GPR85: variants seen among roughly 807,000 people sequenced by gnomAD.
The protein encoded by GPR85 is probable G protein-coupled receptor 85.
Under a neutral mutation model 21.3 loss-of-function variants are expected in GPR85, and 7 were observed. The ratio of observed to expected loss-of-function variants is 0.33; its 90% CI spans 0.19 to 0.62. GPR85 has a LOEUF of 0.62. GPR85 is among the 20% of genes least tolerant of loss of function. GPR85 has a pLI of 0.80. For synonymous variants in GPR85, 167 were observed against 166.1 expected (o/e 1.01, Z -0.04); for missense variants, 299 against 443.8 (o/e 0.67, Z 2.93).
rs1414402156 is a variant in GPR85 at position 113,086,431 on chromosome 7, T to TTTTTTTTTTTTTTTTTTG, written c.-399_-398insCAAAAAAAAAAAAAAAAA. The TTTTTTTTTTTTTTTTTTG allele has an allele frequency of 1.5e-4, 16 of 108,240 alleles. 1 individual carries two copies. The highest frequency in any genetic ancestry group is 3.4e-4 in the South Asian group (1 of 2,972). 6.7% of individuals were successfully genotyped at this position (108,240 alleles called of 1,614,324 possible). On this transcript the variant is annotated 5_prime_UTR_variant, in exon 1 of 3. Transcript: ENST00000424100. Reference sequence around the variant, plus strand: ...TTTTTTTTTTTGTTTTTTGTTTTTTTTTTTTTTTTTTTTGCCTTAGTGCCT... The same window carrying TTTTTTTTTTTTTTTTTTG: ...TTTTTTTTTTTGTTTTTTGTTTTTTTTTTTTTTTTTTTTTTTTGTTTTTTTTTTTTTGCCTTAGTGCCT...
rs1562996831 is a variant in GPR85 at position 113,086,412 on chromosome 7, T to TTTG, written c.-380_-379insCAA. ...TTTCTTTTTCTTTTTTTTTTTTTTT[T>TTTG]TTTTGTTTTTTGTTTTTTTTTTTTT... On this transcript the variant is annotated 5_prime_UTR_variant, in exon 1 of 3. Transcript: ENST00000424100. 276 of 91,410 alleles carry TTTG rather than the reference T, an allele frequency of 3.0e-3. 16 individuals are homozygous for TTTG. The highest frequency in any genetic ancestry group is 4.4e-3 in the Non-Finnish European group (207 of 47,114). The allele number at this position is 91,410 out of a possible 1,614,324, so 5.7% of individuals were successfully genotyped here.
chr7:113,082,438 G>A lies in GPR85; in HGVS notation c.*1171C>T, dbSNP rs1005092609. 6.6e-6 allele frequency: 1 copy of A among 152,512 alleles called. No individual in the cohort carries two copies. Among genetic ancestry groups the A allele is most frequent in the Non-Finnish European group, 1.5e-5 (1 of 68,010 alleles). 9.4% of individuals were successfully genotyped at this position (152,512 alleles called of 1,614,324 possible). On this transcript the variant is annotated 3_prime_UTR_variant, in exon 3 of 3. Coordinates refer to ENST00000424100, the MANE Select transcript of GPR85 (RefSeq NM_001146267.2). ...AATTTAAATTACCAATACACTGAATGTGCAGAAAGTATAAACAAGACTGTG... is the reference window on the plus strand; with the variant it reads ...AATTTAAATTACCAATACACTGAATATGCAGAAAGTATAAACAAGACTGTG...
In GPR85 at chr7:113,083,459, G is replaced by T. The variant is rs953310319; in HGVS notation, c.*150C>A. The stretch of plus-strand genomic sequence containing the variant: ...TCTGAGATTTAAAATAGGATTATAG[G>T]TGAACTATTGCAAAGACTGCAGAAT... On this transcript the variant is annotated 3_prime_UTR_variant, in exon 3 of 3. Coordinates refer to ENST00000424100, the MANE Select transcript of GPR85 (RefSeq NM_001146267.2). The surrounding 1 kb of genome is among the most constrained non-coding windows in gnomAD (Gnocchi z 4.4). 2.8e-6 allele frequency: 2 copies of T among 715,880 alleles called. No individual in the cohort carries two copies. The highest frequency in any genetic ancestry group is 4.8e-6 in the Non-Finnish European group (2 of 417,994). 44.3% of individuals were successfully genotyped at this position (715,880 alleles called of 1,614,324 possible). A position where few individuals can be genotyped will look rare whatever the true frequency, so the allele number is the denominator to read the frequency against.
At chr7:113,085,291 G>A (rs1441945406) in intron 2 of GPR85, among the ~76,000 whole-genome samples, 1 of 152,198 alleles carries the variant, frequency 6.6e-6, no homozygotes, top group East Asian at 1.9e-4. Flanking sequence ...TTCACAGGCA[G>A]CTTCTCTGTT....
chr7:113,083,319 T>C lies in GPR85; in HGVS notation c.*290A>G, dbSNP rs1255978401. On this transcript the variant is annotated 3_prime_UTR_variant, in exon 3 of 3. Transcript: ENST00000424100. This position sits in a 1 kb window ranked among gnomAD's most constrained non-coding sequence, Gnocchi z 4.4. ...TAGTGACATACAGAGCATTTAGCAC[T>C]GATACTTAGCACCTGCTACTTTCAT... 1 of 355,232 alleles carries C rather than the reference T, an allele frequency of 2.8e-6. No homozygotes were observed. Among genetic ancestry groups the C allele is most frequent in the Non-Finnish European group, 5.1e-6 (1 of 196,374 alleles). The allele number at this position is 355,232 out of a possible 1,614,324, so 22.0% of individuals were successfully genotyped here. A position where few individuals can be genotyped will look rare whatever the true frequency, so the allele number is the denominator to read the frequency against.
chr7:113,083,648 T>G lies in GPR85; in HGVS notation c.1074A>C (p.Arg358Ser), dbSNP rs1332189516. ...RCFSTTLLYC[R>S]KSRLPREPYC... ...AAGGTTCCCTTGGTAACCTGGATTTTCTGCAGTAAAGAAGGGTTGTGCTGA... is the reference window on the plus strand; with the variant it reads ...AAGGTTCCCTTGGTAACCTGGATTTGCTGCAGTAAAGAAGGGTTGTGCTGA... The change falls in exon 3 of 3, where the codon AGA becomes AGC. Residue 358 changes from arginine to serine, a missense_variant. Arg to Ser is a moderately radical substitution (Grantham distance 110). This residue lies in a region of GPR85 where 198 missense variants were observed against 335.4 expected (regional missense o/e 0.59). Coordinates refer to ENST00000424100, the MANE Select transcript of GPR85 (RefSeq NM_001146267.2). The surrounding 1 kb of genome is among the most constrained non-coding windows in gnomAD (Gnocchi z 4.4). 5.0e-6 allele frequency: 8 copies of G among 1,614,128 alleles called. No homozygotes were observed. The highest frequency in any genetic ancestry group is 1.3e-5 in the African/African-American group (1 of 75,050).
upstream of GPR85, among the ~76,000 whole-genome samples, chr7:113,086,892 T>C (rs1321765243): frequency 6.6e-6 from 1 of 151,976 alleles, no homozygotes; most frequent in Admixed American, 6.6e-5. Context: ...CCAGACACTT[T>C]CTTCCCTTTT....
chr7:113,083,560 C>T lies in GPR85; in HGVS notation c.*49G>A. On this transcript the variant is annotated 3_prime_UTR_variant, in exon 3 of 3. Transcript: ENST00000424100. The surrounding 1 kb of genome is among the most constrained non-coding windows in gnomAD (Gnocchi z 4.4). The stretch of plus-strand genomic sequence containing the variant: ...AATATGGCTATGGGCCACAATTGCT[C>T]AGCAGAGAAGGTTAGTTTTCACAAG... 1 of 1,515,884 alleles carries T rather than the reference C, an allele frequency of 6.6e-7. No homozygotes were observed. Among genetic ancestry groups the T allele is most frequent in the Non-Finnish European group, 8.9e-7 (1 of 1,118,826 alleles). The allele number at this position is 1,515,884 out of a possible 1,614,324, so 93.9% of individuals were successfully genotyped here. A position where few individuals can be genotyped will look rare whatever the true frequency, so the allele number is the denominator to read the frequency against.
rs1794288043 is a variant in GPR85 at position 113,086,400 on chromosome 7, T to TTTTTTTTTTTTTTG, written c.-368_-367insCAAAAAAAAAAAAA. On this transcript the variant is annotated 5_prime_UTR_variant, in exon 1 of 3. The change abolishes the stop of an existing upstream ORF in the 5' untranslated region. Coordinates refer to ENST00000424100, the MANE Select transcript of GPR85 (RefSeq NM_001146267.2). ...TTTTTTTCTTTTTTTCTTTTTCTTTTTTTTTTTTTTTTTTTTGTTTTTTGT... is the reference window on the plus strand; with the variant it reads ...TTTTTTTCTTTTTTTCTTTTTCTTTTTTTTTTTTTTTTTGTTTTTTTTTTTTTTTTGTTTTTTGT... The TTTTTTTTTTTTTTG allele has an allele frequency of 2.3e-5, 2 of 85,312 alleles. No individual in the cohort carries two copies. Among genetic ancestry groups the TTTTTTTTTTTTTTG allele is most frequent in the African/African-American group, 5.3e-5 (1 of 18,710 alleles). The allele number at this position is 85,312 out of a possible 1,614,324, so 5.3% of individuals were successfully genotyped here.
rs1301208819 is a variant in GPR85 at position 113,084,622 on chromosome 7, T to C, written c.100A>G (p.Ser34Gly). 6.2e-7 allele frequency: 1 copy of C among 1,613,734 alleles called. No homozygotes were observed. Among genetic ancestry groups the C allele is most frequent in the Non-Finnish European group, 8.5e-7 (1 of 1,179,664 alleles). The change falls in exon 3 of 3, where the codon AGC (serine) becomes GGC (glycine). Residue 34 changes from serine (S) to glycine (G), a missense_variant. Coordinates refer to ENST00000424100, the MANE Select transcript of GPR85 (RefSeq NM_001146267.2). Reference sequence around the variant, plus strand: ...GAGATCAGGAGGTTGCCCACCACGCTGACTCCTATTATGAAACCCAAGGAA... The same window carrying C: ...GAGATCAGGAGGTTGCCCACCACGCCGACTCCTATTATGAAACCCAAGGAA... Reference protein sequence around the residue: ...LTSLGFIIGVSVVGNLLISIL... With the variant: ...LTSLGFIIGVGVVGNLLISIL...
upstream of GPR85, among the ~76,000 whole-genome samples, chr7:113,087,266 T>C (rs117341018): frequency 0.017 from 2,542 of 152,324 alleles, 24 homozygotes; most frequent in Non-Finnish European, 0.025. Context: ...AATGTTTAAA[T>C]GGCTATTCCT....
rs1267638090 is a variant in GPR85, at chr7:113,083,278, G to T, written c.*331C>A. ...AGATGTCCAATGCTAATTGTTTTTTGATGTTTTTTCATATGTAGTGACATA... is the reference window on the plus strand; with the variant it reads ...AGATGTCCAATGCTAATTGTTTTTTTATGTTTTTTCATATGTAGTGACATA... On this transcript the variant is annotated 3_prime_UTR_variant, in exon 3 of 3. Coordinates refer to ENST00000424100, the MANE Select transcript of GPR85 (RefSeq NM_001146267.2). This position sits in a 1 kb window ranked among gnomAD's most constrained non-coding sequence, Gnocchi z 4.4. The T allele has an allele frequency of 3.4e-5, 7 of 206,154 alleles. No individual in the cohort carries two copies. In the Admixed American group the frequency reaches 3.9e-4, roughly 12 times the overall value. The allele number at this position is 206,154 out of a possible 1,614,324, so 12.8% of individuals were successfully genotyped here. A position where few individuals can be genotyped will look rare whatever the true frequency, so the allele number is the denominator to read the frequency against.
Position 113,084,164 on chromosome 7 carries a change from T to C in GPR85, c.558A>G (p.Gly186=). 1.2e-6 allele frequency: 2 copies of C among 1,614,090 alleles called. No homozygotes were observed. Among genetic ancestry groups the C allele is most frequent in the Non-Finnish European group, 1.7e-6 (2 of 1,180,008 alleles). ...HRSFRANDSL[G]FMLLLALILL... ...GGATGAGAGCAAGAAGCAGCATAAA[T>C]CCTAAGGAATCATTAGCCCTGAAGG... The change falls in exon 3 of 3, where the codon GGA becomes GGG. Residue 186 remains glycine (G), a synonymous_variant. Transcript: ENST00000424100.
chr7:113,084,791 T>C lies in GPR85; in HGVS notation c.-70A>G, dbSNP rs1316433234. ...TCTAGATATAAGAACAAGGAAAAGA[T>C]AGATCCATACATTTTACTGAAAATA... On this transcript the variant is annotated 5_prime_UTR_variant, in exon 3 of 3. Transcript: ENST00000424100. 2.7e-6 allele frequency: 3 copies of C among 1,108,110 alleles called. No individual in the cohort carries two copies. The highest frequency in any genetic ancestry group is 3.9e-6 in the Non-Finnish European group (3 of 769,798). 68.6% of individuals were successfully genotyped at this position (1,108,110 alleles called of 1,614,324 possible). A position where few individuals can be genotyped will look rare whatever the true frequency, so the allele number is the denominator to read the frequency against.
Position 113,086,424 on chromosome 7 carries a change from G to GTTTTTTTTTTTTTTTTTTTTTTTT in GPR85, c.-392_-391insAAAAAAAAAAAAAAAAAAAAAAAA, listed in dbSNP as rs1245422095. The GTTTTTTTTTTTTTTTTTTTTTTTT allele has an allele frequency of 1.6e-5, 1 of 63,856 alleles. No homozygotes were observed. The highest frequency in any genetic ancestry group is 2.7e-5 in the Non-Finnish European group (1 of 36,750). The allele number at this position is 63,856 out of a possible 1,614,324, so 4.0% of individuals were successfully genotyped here. ...TTTTTTTTTTTTTTTTTTGTTTTTT[G>GTTTTTTTTTTTTTTTTTTTTTTTT]TTTTTTTTTTTTTTTTTTTTGCCTT... is the stretch of plus-strand genomic sequence containing the variant. On this transcript the variant is annotated 5_prime_UTR_variant, in exon 1 of 3. Coordinates refer to ENST00000424100, the MANE Select transcript of GPR85 (RefSeq NM_001146267.2).
In GPR85 at chr7:113,086,440, T is replaced by TTTTTTTTTTTTTTC. The variant is rs1233131928; in HGVS notation, c.-408_-407insGAAAAAAAAAAAAA. The TTTTTTTTTTTTTTC allele has an allele frequency of 7.7e-6, 1 of 129,480 alleles. No homozygotes were observed. Among genetic ancestry groups the TTTTTTTTTTTTTTC allele is most frequent in the Non-Finnish European group, 1.6e-5 (1 of 60,924 alleles). The allele number at this position is 129,480 out of a possible 1,614,324, so 8.0% of individuals were successfully genotyped here. A position where few individuals can be genotyped will look rare whatever the true frequency, so the allele number is the denominator to read the frequency against. On this transcript the variant is annotated 5_prime_UTR_variant, in exon 1 of 3. The change abolishes the stop of an existing upstream ORF in the 5' untranslated region. Coordinates refer to ENST00000424100, the MANE Select transcript of GPR85 (RefSeq NM_001146267.2). ...TTGTTTTTTGTTTTTTTTTTTTTTT[T>TTTTTTTTTTTTTTC]TTTTGCCTTAGTGCCTTGACTGAGC...
rs1794170826 is a variant in GPR85, at chr7:113,082,762, A to G, written c.*847T>C. 1 of 152,374 alleles carries G rather than the reference A, an allele frequency of 6.6e-6. No individual in the cohort carries two copies. Among genetic ancestry groups the G allele is most frequent in the Non-Finnish European group, 1.5e-5 (1 of 67,992 alleles). The allele number at this position is 152,374 out of a possible 1,614,324, so 9.4% of individuals were successfully genotyped here. A position where few individuals can be genotyped will look rare whatever the true frequency, so the allele number is the denominator to read the frequency against. On this transcript the variant is annotated 3_prime_UTR_variant, in exon 3 of 3. Coordinates refer to ENST00000424100, the MANE Select transcript of GPR85 (RefSeq NM_001146267.2). ...TGGCTATTTGCTCCAGTGCTAAATA[A>G]GATGAAGGATACTAGATAACCCTTT...
intron 2 of GPR85, among the ~76,000 whole-genome samples, chr7:113,085,791 C>A (rs949346644): frequency 6.6e-6 from 1 of 152,156 alleles, no homozygotes. Flanking sequence ...GTTTCTTTTG[C>A]CACTTCTCAC....
rs758087214 is a variant in GPR85, at chr7:113,084,738, A to T, written c.-17T>A. The T allele has an allele frequency of 6.3e-7, 1 of 1,594,942 alleles. No homozygotes were observed. Among genetic ancestry groups the T allele is most frequent in the South Asian group, 1.1e-5 (1 of 88,394 alleles). ...GTTCGCCATAGATGGATGGAGGATA[A>T]GGATACAGCCTCAGTCAAGTCTCAT... On this transcript the variant is annotated 5_prime_UTR_variant, in exon 3 of 3. Coordinates refer to ENST00000424100, the MANE Select transcript of GPR85 (RefSeq NM_001146267.2).
Sources: allele counts gnomAD v4.1 joint callset (sites outside exome capture counted in the v4.1 genomes callset), GRCh38; gene constraint gnomAD v4.1.1; regional missense constraint gnomAD v4.1.1; non-coding constraint Gnocchi (gnomAD v3.1); transcripts MANE v1.5; gene names NCBI Gene and HGNC (gene_info 2026-07-23, HGNC 2026-07-21).